Variants in KHDRBS2 observed in about 807,000 individuals in gnomAD.
KHDRBS2 encodes KH domain-containing, RNA-binding, signal transduction-associated protein 2.
A neutral mutation model predicts 44.3 loss-of-function variants in KHDRBS2; 26 were observed. That is an observed-to-expected ratio of 0.59 (90% CI 0.43 to 0.81). The LOEUF (loss-of-function observed/expected upper bound fraction) is 0.81, where lower values mean the gene tolerates loss of function less well. Among genes scored for constraint, KHDRBS2 ranks in the 40% least tolerant of loss-of-function variants. KHDRBS2 has a pLI of 0.00. For missense variants in KHDRBS2, 476 were observed against 433.1 expected, an observed-to-expected ratio of 1.10 and a Z score of -0.88; for synonymous variants, 194 against 151.1, an observed-to-expected ratio of 1.28 and a Z score of -2.08.
chr6:61,592,264 GA>G, the KHDRBS2 span, among the ~76,000 whole-genome samples: 1 of 151,376 alleles, frequency 6.6e-6, no homozygotes, highest in African/African-American at 2.4e-5. Context: ...CGTGTGCATG[GA>G]AGTCATACAA....
At chr6:61,682,845 T>G (rs1766448973) in intron 8 of KHDRBS2, among the ~76,000 whole-genome samples, 1 of 151,804 alleles carries the variant, frequency 6.6e-6, no homozygotes, top group Non-Finnish European at 1.5e-5. Context: ...AATAAAACTG[T>G]TTTTGGTGTA....
At chr6:61,572,812 C>T in the KHDRBS2 span, among the ~76,000 whole-genome samples, 1 of 152,122 alleles carries the variant, frequency 6.6e-6, no homozygotes, top group Non-Finnish European at 1.5e-5. Flanking sequence ...ACAGAAGGGA[C>T]ATACCTCAAG....
At chr6:62,257,538 T>C (rs1368346822) in intron 1 of KHDRBS2, among the ~76,000 whole-genome samples, 1 of 152,086 alleles carries the variant, frequency 6.6e-6, no homozygotes, top group Non-Finnish European at 1.5e-5. Context: ...AACTCATATT[T>C]ATTTTCAAAA....
chr6:61,736,782 T>C (rs1395675308), intron 6 of KHDRBS2, among the ~76,000 whole-genome samples: 11 of 151,992 alleles, frequency 7.2e-5, no homozygotes, highest in Admixed American at 7.2e-4. Flanking sequence ...TCTTTAGAAA[T>C]CTTTTCCTGC....
chr6:62,168,810 A>C lies in KHDRBS2; in HGVS notation c.219+8375T>G, dbSNP rs575483255. On this transcript the variant is annotated intron_variant, in intron 2 of 8. Coordinates refer to ENST00000281156, the MANE Select transcript of KHDRBS2 (RefSeq NM_152688.4). ...TCAATACACATAGTTCCTATGCTAC[A>C]AACAACTTACTATAAGAAGCCAGTA... is the stretch of plus-strand genomic sequence containing the variant. 4.6e-5 allele frequency among the ~76,000 whole-genome samples: 7 copies of C among 152,032 alleles called. No individual in the cohort carries two copies. In the South Asian group the frequency reaches 1.5e-3, roughly 32 times the overall value.
chr6:61,887,476 G>A (rs752660534), intron 6 of KHDRBS2, among the ~76,000 whole-genome samples: 1 of 152,108 alleles, frequency 6.6e-6, no homozygotes, highest in Non-Finnish European at 1.5e-5. Context: ...TCTGGGTTAC[G>A]ATGTGTAACA....
the KHDRBS2 span, among the ~76,000 whole-genome samples, chr6:61,608,588 T>C: frequency 1.3e-5 from 2 of 151,864 alleles, no homozygotes; most frequent in South Asian, 2.1e-4. Flanking sequence ...TCCCTCCCCT[T>C]ATCCCCCACC....
chr6:62,137,910 G>A (rs1482386736), intron 2 of KHDRBS2, among the ~76,000 whole-genome samples: 1 of 152,208 alleles, frequency 6.6e-6, no homozygotes, highest in Non-Finnish European at 1.5e-5. Flanking sequence ...ATTATGCAGT[G>A]AGATTTAGCT....
chr6:62,004,158 C>A (rs1328695623), intron 3 of KHDRBS2, among the ~76,000 whole-genome samples: 1 of 152,022 alleles, frequency 6.6e-6, no homozygotes, highest in South Asian at 2.1e-4. Flanking sequence ...AAGATTAGAG[C>A]AGAACTGAAG....
intron 1 of KHDRBS2, among the ~76,000 whole-genome samples, chr6:62,230,762 T>G (rs1304718917): frequency 6.6e-6 from 1 of 152,214 alleles, no homozygotes; most frequent in Non-Finnish European, 1.5e-5. Flanking sequence ...ACTATGATGT[T>G]TCAGCTTGAT....
At chr6:61,706,283 T>A (rs1769535149) in intron 7 of KHDRBS2, among the ~76,000 whole-genome samples, 1 of 151,846 alleles carries the variant, frequency 6.6e-6, no homozygotes, top group Non-Finnish European at 1.5e-5. Flanking sequence ...GCTACATAAT[T>A]TCCTTTACCA....
At chr6:61,648,146 T>C in the KHDRBS2 span, among the ~76,000 whole-genome samples, 38 of 152,110 alleles carry the variant, frequency 2.5e-4, no homozygotes, top group East Asian at 6.9e-3. Flanking sequence ...AAAACCAAAT[T>C]AATATAATAA....
At chr6:61,591,388 C>A in the KHDRBS2 span, among the ~76,000 whole-genome samples, 1 of 151,964 alleles carries the variant, frequency 6.6e-6, no homozygotes, top group South Asian at 2.1e-4. Context: ...TATGAAATTT[C>A]CAAAATATAA....
chr6:61,565,798 A>G, the KHDRBS2 span, among the ~76,000 whole-genome samples: 1 of 152,132 alleles, frequency 6.6e-6, no homozygotes, highest in Non-Finnish European at 1.5e-5. Context: ...AGAAAACAGT[A>G]TGAAATTTCC....
intron 6 of KHDRBS2, among the ~76,000 whole-genome samples, chr6:61,743,660 T>C (rs1776457774): frequency 6.6e-6 from 1 of 152,082 alleles, no homozygotes; most frequent in African/African-American, 2.4e-5. Context: ...CTTTAAGTTT[T>C]AGGGTACATG....
chr6:61,820,373 T>C (rs1403872676), intron 6 of KHDRBS2, among the ~76,000 whole-genome samples: 2 of 151,738 alleles, frequency 1.3e-5, no homozygotes, highest in Non-Finnish European at 2.9e-5. Context: ...GGTGAGAAAA[T>C]AGAGAAACAT....
At chr6:62,256,195 G>A (rs1209099135) in intron 1 of KHDRBS2, among the ~76,000 whole-genome samples, 1 of 151,824 alleles carries the variant, frequency 6.6e-6, no homozygotes, top group Non-Finnish European at 1.5e-5. Flanking sequence ...AAATATTTTA[G>A]ATTTTGAGTC....
chr6:61,672,669 C>T, the KHDRBS2 span, among the ~76,000 whole-genome samples: 2 of 152,050 alleles, frequency 1.3e-5, no homozygotes, highest in African/African-American at 4.8e-5. Context: ...TGTTCATGTC[C>T]TTTGCCCACT....
chr6:61,623,770 A>T, the KHDRBS2 span, among the ~76,000 whole-genome samples: 6 of 152,164 alleles, frequency 3.9e-5, no homozygotes, highest in Non-Finnish European at 7.4e-5. Flanking sequence ...GTCCCCTATG[A>T]CCGACTGAAG....
Sources: gnomAD v4.1 joint callset for allele counts (sites outside exome capture counted in the v4.1 genomes callset) on GRCh38, gnomAD v4.1.1 for gene constraint, MANE v1.5 for transcripts, NCBI Gene and HGNC (gene_info 2026-07-23, HGNC 2026-07-21) for gene names.